Variants in FSTL4 observed in about 807,000 individuals in gnomAD.
FSTL4 encodes the protein follistatin-related protein 4.
In FSTL4, 28 loss-of-function variants were observed where a neutral mutation model predicts 78.2. The ratio of observed to expected loss-of-function variants is 0.36; its 90% CI spans 0.27 to 0.49. The LOEUF is 0.49. Among genes scored for constraint, FSTL4 ranks in the 20% least tolerant of loss-of-function variants. FSTL4 has a pLI of 0.98. For missense variants in FSTL4, 922 were observed against 1,084.9 expected, an observed-to-expected ratio of 0.85 and a Z score of 2.11; for synonymous variants, 422 against 440.5, an observed-to-expected ratio of 0.96 and a Z score of 0.53.
the FSTL4 span, among the ~76,000 whole-genome samples, chr5:133,826,280 A>T: frequency 6.6e-6 from 1 of 152,200 alleles, no homozygotes; most frequent in African/African-American, 2.4e-5. Context: ...TGCCACAGTG[A>T]TTGCAAAGGG....
chr5:133,639,871 G>A, the FSTL4 span, among the ~76,000 whole-genome samples: 3 of 152,120 alleles, frequency 2.0e-5, no homozygotes, highest in Non-Finnish European at 2.9e-5. Flanking sequence ...CACAAACTCC[G>A]AAGGGTCAGC....
chr5:133,532,063 A>G (rs1759265396), intron 3 of FSTL4, among the ~76,000 whole-genome samples: 1 of 152,242 alleles, frequency 6.6e-6, no homozygotes, highest in South Asian at 2.1e-4. Flanking sequence ...ATTATCCTGC[A>G]AGATCCAGGA....
rs571833984 is a variant in FSTL4, at chr5:133,272,361, G to T, written c.728-22785C>A. On this transcript the variant is annotated intron_variant, in intron 6 of 15. Transcript: ENST00000265342. ...TGTTTGTCTGTGGAAAAAGCAGTTT[G>T]CCCAGCGTGGTGGTAAGGAGGGCAT... Among the ~76,000 whole-genome samples, 269 of 152,320 alleles carry T rather than the reference G, an allele frequency of 1.8e-3. 1 individual carries two copies. Among genetic ancestry groups the T allele is most frequent in the African/African-American group, 5.9e-3 (244 of 41,572 alleles).
chr5:133,203,633 T>A lies in FSTL4; in HGVS notation c.1717-1591A>T, dbSNP rs551309020. On this transcript the variant is annotated intron_variant, in intron 14 of 15. Transcript: ENST00000265342. ...TGGTAAGCTCATAGGAAAAAACTCA[T>A]AGAAGTGGGTGTTAAGAAAATATCA... Among the ~76,000 whole-genome samples the A allele has an allele frequency of 2.0e-5, 3 of 152,296 alleles. No homozygotes were observed. The East Asian group carries it at 5.8e-4, about 29-fold the overall frequency.
At chr5:133,484,065 C>T (rs922049096) in intron 3 of FSTL4, among the ~76,000 whole-genome samples, 3 of 152,236 alleles carry the variant, frequency 2.0e-5, no homozygotes, top group African/African-American at 7.2e-5. Context: ...CTACCTTCCT[C>T]CACATACACC....
At chr5:133,605,066 A>G (rs1221463642) in intron 1 of FSTL4, among the ~76,000 whole-genome samples, 1 of 152,256 alleles carries the variant, frequency 6.6e-6, no homozygotes, top group Non-Finnish European at 1.5e-5. Flanking sequence ...AAATGAGGAT[A>G]CAGACTATCT....
At chr5:133,490,767 A>G (rs1326924654) in intron 3 of FSTL4, among the ~76,000 whole-genome samples, 1 of 152,186 alleles carries the variant, frequency 6.6e-6, no homozygotes, top group Non-Finnish European at 1.5e-5. Context: ...TATTTGTTAA[A>G]ACTTGTTTTG....
chr5:133,427,897 T>C (rs1756861015), intron 3 of FSTL4, among the ~76,000 whole-genome samples: 1 of 152,104 alleles, frequency 6.6e-6, no homozygotes, highest in Admixed American at 6.5e-5. Flanking sequence ...CTGTCTATAG[T>C]TGCGCCTTCT....
intron 2 of FSTL4, among the ~76,000 whole-genome samples, chr5:133,602,577 T>A (rs1760894685): frequency 6.6e-6 from 1 of 152,252 alleles, no homozygotes. Flanking sequence ...AGTGATCATT[T>A]TCTCTTGGTA....
chr5:133,297,987 C>A lies in FSTL4; in HGVS notation c.727+14667G>T, dbSNP rs76354765. Among the ~76,000 whole-genome samples, 138 of 152,310 alleles carry A rather than the reference C, an allele frequency of 9.1e-4. No individual in the cohort carries two copies. The East Asian group carries it at 0.024, about 26-fold the overall frequency. On this transcript the variant is annotated intron_variant, in intron 6 of 15. Transcript: ENST00000265342. ...CACCCAAGGGGTCTCCCGAAACAGA[C>A]GCTGGTGACCAAGATTGTCTAGAAT... is the stretch of plus-strand genomic sequence containing the variant.
chr5:133,395,265 G>T (rs1379385668), intron 4 of FSTL4, among the ~76,000 whole-genome samples: 1 of 152,104 alleles, frequency 6.6e-6, no homozygotes, highest in Non-Finnish European at 1.5e-5. Flanking sequence ...ACTGCCTTAG[G>T]TCTGCAGCTT....
At chr5:133,301,571 C>T (rs1367304390) in intron 6 of FSTL4, among the ~76,000 whole-genome samples, 1 of 152,158 alleles carries the variant, frequency 6.6e-6, no homozygotes, top group East Asian at 1.9e-4. Flanking sequence ...CATCGCACCA[C>T]CTGTGGAGGG....
chr5:133,774,063 C>T, the FSTL4 span, among the ~76,000 whole-genome samples: 4 of 152,122 alleles, frequency 2.6e-5, no homozygotes, highest in Admixed American at 1.3e-4. Flanking sequence ...ATACGCTAAC[C>T]GCTTCTGACT....
chr5:133,489,363 T>C (rs1341678389), intron 3 of FSTL4, among the ~76,000 whole-genome samples: 1 of 152,188 alleles, frequency 6.6e-6, no homozygotes, highest in Non-Finnish European at 1.5e-5. Flanking sequence ...CATGTGGCAG[T>C]ATATGCAAGT....
intron 3 of FSTL4, among the ~76,000 whole-genome samples, chr5:133,444,717 T>G (rs1757225719): frequency 6.6e-6 from 1 of 152,014 alleles, no homozygotes. Flanking sequence ...GGGAGCTGGA[T>G]GGGCCTGTCC....
chr5:133,498,313 T>C (rs1396659756), intron 3 of FSTL4, among the ~76,000 whole-genome samples: 1 of 152,260 alleles, frequency 6.6e-6, no homozygotes, highest in African/African-American at 2.4e-5. Flanking sequence ...ATTCATGGTC[T>C]TGCTTACTAA....
chr5:133,661,001 G>A, the FSTL4 span, among the ~76,000 whole-genome samples: 1 of 151,840 alleles, frequency 6.6e-6, no homozygotes, highest in Non-Finnish European at 1.5e-5. Context: ...TTTTACTTTT[G>A]TTTTTTTGAG....
intron 12 of FSTL4, among the ~76,000 whole-genome samples, chr5:133,218,549 G>A (rs1276421548): frequency 6.6e-5 from 10 of 152,184 alleles, no homozygotes; most frequent in African/African-American, 1.7e-4. Flanking sequence ...CTCTACATTC[G>A]GTCTGCTGCT....
the FSTL4 span, among the ~76,000 whole-genome samples, chr5:133,671,105 C>A: frequency 6.6e-6 from 1 of 152,148 alleles, no homozygotes; most frequent in Non-Finnish European, 1.5e-5. Flanking sequence ...CCAATACTAG[C>A]CTGCTAAGGG....
Sources: gnomAD v4.1 joint callset for allele counts (sites outside exome capture counted in the v4.1 genomes callset) on GRCh38, gnomAD v4.1.1 for gene constraint, MANE v1.5 for transcripts, NCBI Gene and HGNC (gene_info 2026-07-23, HGNC 2026-07-21) for gene names.